TNS3: variants seen among roughly 807,000 people sequenced by gnomAD.
TNS3 encodes the protein tensin 3, also known as tensin-3.
A neutral mutation model predicts 140.9 loss-of-function variants in TNS3; 45 were observed. The observed-to-expected ratio is 0.32, with a 90% CI of 0.25 to 0.41. The LOEUF (loss-of-function observed/expected upper bound fraction) is 0.41. Among genes scored for constraint, TNS3 ranks in the 10% least tolerant of loss-of-function variants. The pLI, the probability that TNS3 is intolerant of heterozygous loss-of-function variation, is 1.00. For synonymous variants in TNS3, 815 were observed against 788.4 expected (o/e 1.03, Z -0.56); for missense variants, 1,716 against 1,906.7 (o/e 0.90, Z 1.86).
At chr7:47,518,732 G>A (rs934431670) in intron 2 of TNS3, among the ~76,000 whole-genome samples, 10 of 152,110 alleles carry the variant, frequency 6.6e-5, no homozygotes, top group Non-Finnish European at 1.2e-4. Context: ...GATTCTTATC[G>A]TATGGGCATG....
chr7:47,306,129 C>T (rs1400151643), intron 20 of TNS3, among the ~76,000 whole-genome samples: 10 of 152,116 alleles, frequency 6.6e-5, no homozygotes, highest in Admixed American at 5.9e-4. Flanking sequence ...ATAAAAATGA[C>T]ATTTACTAAG....
At chr7:47,489,880 G>T (rs1286854503) in intron 3 of TNS3, among the ~76,000 whole-genome samples, 1 of 152,160 alleles carries the variant, frequency 6.6e-6, no homozygotes, top group Non-Finnish European at 1.5e-5. Context: ...GCTGAGCAGG[G>T]AGGCCAAGCA....
intron 12 of TNS3, among the ~76,000 whole-genome samples, chr7:47,412,463 T>C (rs1793826980): frequency 6.6e-6 from 1 of 152,102 alleles, no homozygotes; most frequent in Non-Finnish European, 1.5e-5. Flanking sequence ...TACAAAAATA[T>C]GAAATTTAGC....
chr7:47,522,557 TTAACA>T (rs1194998973), intron 2 of TNS3, among the ~76,000 whole-genome samples: 1 of 152,186 alleles, frequency 6.6e-6, no homozygotes, highest in Admixed American at 6.5e-5. Context: ...ACACATTAAC[TTAACA>T]TAACTGAAAA....
intron 1 of TNS3, among the ~76,000 whole-genome samples, chr7:47,537,206 C>T (rs1035542350): frequency 6.6e-6 from 1 of 152,048 alleles, no homozygotes; most frequent in Non-Finnish European, 1.5e-5. Flanking sequence ...CCTCCCGAGT[C>T]CCCTGCGGAC....
At chr7:47,516,050 T>C (rs1241550788) in intron 2 of TNS3, among the ~76,000 whole-genome samples, 1 of 152,234 alleles carries the variant, frequency 6.6e-6, no homozygotes, top group Non-Finnish European at 1.5e-5. Flanking sequence ...TGATGCATGA[T>C]GACTTACATA....
rs1455910442 is a variant in TNS3, at chr7:47,411,797, A to T, written c.653T>A (p.Val218Asp). The change falls in exon 13 of 31, where the codon GTT (valine) becomes GAT (aspartate). Residue 218 changes from valine (V) to aspartate (D), a missense_variant. Transcript: ENST00000311160. ...GATCCTGCTGGGGTTTTCTGGGCCA[A>T]CGTTGCTTTGGGATGAAGAAGAAGG... is the stretch of plus-strand genomic sequence containing the variant. ...QPVYTSGIYN[V>D]GPENPSRICI... 1.2e-6 allele frequency: 2 copies of T among 1,613,342 alleles called. No homozygotes were observed. The highest frequency in any genetic ancestry group is 1.7e-6 in the Non-Finnish European group (2 of 1,179,738).
chr7:47,498,411 G>T (rs1030300722), intron 3 of TNS3, among the ~76,000 whole-genome samples: 1 of 152,208 alleles, frequency 6.6e-6, no homozygotes, highest in Non-Finnish European at 1.5e-5. Flanking sequence ...CCAGGACACA[G>T]ATACAGATGC....
At chr7:47,352,033 A>T (rs1789705785) in intron 17 of TNS3, among the ~76,000 whole-genome samples, 1 of 151,690 alleles carries the variant, frequency 6.6e-6, no homozygotes, top group Non-Finnish European at 1.5e-5. Context: ...TTCTCATAAC[A>T]CTCATGCAGA....
chr7:47,292,157 A>C (rs991935461), intron 26 of TNS3, 125 bp from the exon 27 acceptor site: 2 of 897,978 alleles, frequency 2.2e-6, no homozygotes, highest in Non-Finnish European at 3.4e-6. Context: ...TGCAGAGTCA[A>C]GAGTTTCTCT....
chr7:47,413,101 A>G (rs897498483), intron 12 of TNS3, among the ~76,000 whole-genome samples: 8 of 151,882 alleles, frequency 5.3e-5, no homozygotes, highest in African/African-American at 1.7e-4. Context: ...CTACAGGCAC[A>G]CGCCACCATG....
At chr7:47,334,242 G>A (rs527874224) in intron 20 of TNS3, among the ~76,000 whole-genome samples, 50 of 152,324 alleles carry the variant, frequency 3.3e-4, no homozygotes, top group African/African-American at 1.1e-3. Context: ...CGACAGCAGA[G>A]AAGAGGCTGC....
chr7:47,472,729 C>A (rs993853726), intron 4 of TNS3, among the ~76,000 whole-genome samples: 11 of 152,200 alleles, frequency 7.2e-5, no homozygotes, highest in African/African-American at 2.7e-4. Flanking sequence ...CTACTCCCTC[C>A]CACAGAGTAA....
chr7:47,415,115 G>A lies in TNS3; in HGVS notation c.565C>T (p.Pro189Ser). The change falls in exon 11 of 31, where the codon CCC (proline) becomes TCC (serine). Residue 189 changes from proline to serine, a missense_variant. Transcript: ENST00000311160. Reference sequence around the variant, plus strand: ...TCACCTCCACCTGTGTCGAAGTTGGGGGTGCCGTGGAGGATGACAAAATGC... The same window carrying A: ...TCACCTCCACCTGTGTCGAAGTTGGAGGTGCCGTGGAGGATGACAAAATGC... ...FLHFVILHGT[P>S]NFDTGGVCRP... 6.2e-7 allele frequency: 1 copy of A among 1,612,116 alleles called. No individual in the cohort carries two copies. Among genetic ancestry groups the A allele is most frequent in the East Asian group, 2.2e-5 (1 of 44,684 alleles).
chr7:47,575,537 C>T (rs1462137906), intron 1 of TNS3, among the ~76,000 whole-genome samples: 1 of 152,020 alleles, frequency 6.6e-6, no homozygotes, highest in Non-Finnish European at 1.5e-5. Context: ...AAGATACGGC[C>T]GGGCGCGGTG....
At chr7:47,427,064 G>A (rs1370017019) in intron 9 of TNS3, among the ~76,000 whole-genome samples, 1 of 149,896 alleles carries the variant, frequency 6.7e-6, no homozygotes, top group Non-Finnish European at 1.5e-5. Context: ...AAGCAGAGGT[G>A]GCAGTAAGCC....
chr7:47,346,125 G>A, intron 18 of TNS3, 62 bp downstream of exon 18: 1 of 1,587,166 alleles, frequency 6.3e-7, no homozygotes, highest in East Asian at 2.2e-5. Flanking sequence ...TTCACTCGGG[G>A]TTCCAGGACA....
At chr7:47,290,226 C>T (rs894066271) in intron 27 of TNS3, among the ~76,000 whole-genome samples, 1 of 152,152 alleles carries the variant, frequency 6.6e-6, no homozygotes, top group African/African-American at 2.4e-5. Flanking sequence ...ACTTCCTTCA[C>T]AAAAATTAAC....
intron 3 of TNS3, among the ~76,000 whole-genome samples, chr7:47,503,691 G>A (rs1258700323): frequency 2.6e-5 from 4 of 152,122 alleles, no homozygotes; most frequent in African/African-American, 9.7e-5. Context: ...AGAAAGTGAG[G>A]CTCAGGGCCT....
Sources: allele counts gnomAD v4.1 joint callset (sites outside exome capture counted in the v4.1 genomes callset), GRCh38; gene constraint gnomAD v4.1.1; transcripts MANE v1.5; gene names NCBI Gene and HGNC (gene_info 2026-07-23, HGNC 2026-07-21).